Variants in PCDH11X observed in about 807,000 individuals in gnomAD.
PCDH11X encodes protocadherin 11 X-linked, also known as protocadherin-11 X-linked.
Under a neutral mutation model 53.3 loss-of-function variants are expected in PCDH11X, and 18 were observed. The ratio of observed to expected loss-of-function variants is 0.34; its 90% CI spans 0.23 to 0.50. The LOEUF is 0.50. Among genes scored for constraint, PCDH11X ranks in the 20% least tolerant of loss-of-function variants. The pLI is 0.98. For synonymous variants in PCDH11X, 279 were observed against 393.3 expected (o/e 0.71, Z 3.44); for missense variants, 570 against 1,032.4 (o/e 0.55, Z 6.14).
chrX:92,110,381 G>A (rs944445644), intron 6 of PCDH11X, among the ~76,000 whole-genome samples: 8 of 107,499 alleles, frequency 7.4e-5, no homozygotes, highest in African/African-American at 2.7e-4. Context: ...TGTCAACCGA[G>A]GAAAATGACA....
chrX:92,599,652 A>G (rs767054462), intron 10 of PCDH11X, among the ~76,000 whole-genome samples: 1 of 111,883 alleles, frequency 8.9e-6, no homozygotes, highest in Non-Finnish European at 1.9e-5. Context: ...AAAATGGACT[A>G]ATACAGCAAA....
rs375462673 is a variant in PCDH11X at position 92,002,116 on chromosome X, T to C, written c.3033+122843T>C. On this transcript the variant is annotated intron_variant, in intron 6 of 10. Coordinates refer to ENST00000682573, the MANE Select transcript of PCDH11X (RefSeq NM_032968.5). ...AGAGGTTTAGTTTCATTCTTCTGAATATAGGGATCCAGTTTTCCCAGCACC... is the reference window on the plus strand; with the variant it reads ...AGAGGTTTAGTTTCATTCTTCTGAACATAGGGATCCAGTTTTCCCAGCACC... 5.6e-5 allele frequency among the ~76,000 whole-genome samples: 6 copies of C among 107,202 alleles called. No homozygotes were observed. In the South Asian group the frequency reaches 2.6e-3, roughly 46 times the overall value. The allele number at this position is 107,202 out of a possible 115,157, so 93.1% of individuals were successfully genotyped here.
At chrX:92,249,737 A>G (rs899253748) in intron 7 of PCDH11X, among the ~76,000 whole-genome samples, 9 of 112,134 alleles carry the variant, frequency 8.0e-5, no homozygotes, top group Non-Finnish European at 1.5e-4. Context: ...CCTAGGATCC[A>G]TTTTGAGAAT....
At chrX:91,860,143 G>T (rs1007479176) in intron 5 of PCDH11X, among the ~76,000 whole-genome samples, 76 of 109,951 alleles carry the variant, frequency 6.9e-4, no homozygotes, top group African/African-American at 2.3e-3. Context: ...TGATTTCCTT[G>T]AGCAGTCGTT....
At chrX:91,868,758 A>T (rs747810223) in intron 5 of PCDH11X, among the ~76,000 whole-genome samples, 1 of 111,561 alleles carries the variant, frequency 9.0e-6, no homozygotes, top group Admixed American at 9.5e-5. Flanking sequence ...TTCATTTTTG[A>T]TTACTGATTT....
intron 8 of PCDH11X, among the ~76,000 whole-genome samples, chrX:92,284,170 T>C (rs1480282002): frequency 9.1e-6 from 1 of 110,273 alleles, no homozygotes; most frequent in Non-Finnish European, 1.9e-5. Flanking sequence ...AACCTACGTA[T>C]GTAAATTTAG....
chrX:92,370,605 A>C (rs5941083), intron 8 of PCDH11X, among the ~76,000 whole-genome samples: 2 of 107,730 alleles, frequency 1.9e-5, no homozygotes, highest in Non-Finnish European at 3.9e-5. Flanking sequence ...GATTACAGGC[A>C]TGTGACACTA....
chrX:92,032,884 G>A (rs1164042541), intron 6 of PCDH11X, among the ~76,000 whole-genome samples: 1 of 105,683 alleles, frequency 9.5e-6, no homozygotes, highest in South Asian at 4.3e-4. Context: ...ATGCAATGAC[G>A]GCTCACTGCT....
chrX:92,294,159 G>A (rs1274977389), intron 8 of PCDH11X, among the ~76,000 whole-genome samples: 1 of 109,504 alleles, frequency 9.1e-6, no homozygotes, highest in African/African-American at 3.4e-5. Context: ...TATTTATTTT[G>A]AGATGGTGTT....
At chrX:92,172,702 A>G (rs1352045612) in intron 6 of PCDH11X, among the ~76,000 whole-genome samples, 1 of 112,060 alleles carries the variant, frequency 8.9e-6, no homozygotes, top group Non-Finnish European at 1.9e-5. Flanking sequence ...TCCATTGGTT[A>G]AAGAAGAACA....
intron 4 of PCDH11X, among the ~76,000 whole-genome samples, chrX:91,815,329 C>T (rs1397025408): frequency 8.9e-6 from 1 of 111,854 alleles, no homozygotes; most frequent in Non-Finnish European, 1.9e-5. Flanking sequence ...ATATCATATA[C>T]ATTTTGCAAT....
At chrX:92,129,961 T>TGCGCACACGCACACGCAC (rs2064941242) in intron 6 of PCDH11X, among the ~76,000 whole-genome samples, 1 of 111,981 alleles carries the variant, frequency 8.9e-6, no homozygotes, top group Non-Finnish European at 1.9e-5. Flanking sequence ...ATGGCTTATA[T>TGCGCACACGCACACGCAC]GCGCACACGC....
At chrX:91,794,016 G>C (rs1307028030) in intron 1 of PCDH11X, among the ~76,000 whole-genome samples, 1 of 111,453 alleles carries the variant, frequency 9.0e-6, no homozygotes, top group African/African-American at 3.3e-5. Context: ...AGTTTCTTTA[G>C]TGAATACCAT....
At chrX:91,989,966 A>G (rs2062294287) in intron 6 of PCDH11X, among the ~76,000 whole-genome samples, 2 of 111,056 alleles carry the variant, frequency 1.8e-5, no homozygotes, top group Admixed American at 9.5e-5. Context: ...TAATTTTTTT[A>G]TAGGCTATTT....
chrX:92,484,137 GTATGTATATATATGTATA>G lies in PCDH11X; in HGVS notation c.3367+15827_3367+15844del, dbSNP rs1569494458. 8.6e-3 allele frequency among the ~76,000 whole-genome samples: 367 copies of G among 42,767 alleles called. 3 individuals are homozygous for G. The highest frequency in any genetic ancestry group is 0.021 in the African/African-American group (357 of 16,669). The allele number at this position is 42,767 out of a possible 115,157, so 37.1% of individuals were successfully genotyped here. A position where few individuals can be genotyped will look rare whatever the true frequency, so the allele number is the denominator to read the frequency against. ...ATATATAGTATATATATGTATATATGTATGTATATATATGTATATATGTATATATGTATATATATGTAT... is the reference window on the plus strand; with the variant it reads ...ATATATAGTATATATATGTATATATGTATGTATATATGTATATATATGTAT... On this transcript the variant is annotated intron_variant, in intron 10 of 10. Coordinates refer to ENST00000682573, the MANE Select transcript of PCDH11X (RefSeq NM_032968.5).
chrX:91,860,312 A>AT (rs1938590584), intron 5 of PCDH11X, among the ~76,000 whole-genome samples: 1 of 105,910 alleles, frequency 9.4e-6, no homozygotes, highest in Admixed American at 1.0e-4. Flanking sequence ...TTCCACACTG[A>AT]TTTTGTATCC....
At chrX:92,319,207 G>A (rs2069145110) in intron 8 of PCDH11X, among the ~76,000 whole-genome samples, 1 of 111,297 alleles carries the variant, frequency 9.0e-6, no homozygotes, top group African/African-American at 3.3e-5. Context: ...CTTTAAGCAG[G>A]GATCCTGATT....
At position 92,095,069 on chromosome X, in the gene PCDH11X, A is replaced by G. The variant is rs552891972; in HGVS notation, c.3034-106306A>G. On this transcript the variant is annotated intron_variant, in intron 6 of 10. Transcript: ENST00000682573. ...TTCTGTAGAGATTTCAGCTAATAAA[A>G]ATGCAAGTCCAAATCCCAAATCCGA... Among the ~76,000 whole-genome samples the G allele has an allele frequency of 2.2e-4, 24 of 111,241 alleles. No individual in the cohort carries two copies. The South Asian group carries it at 9.0e-3, about 42-fold the overall frequency.
chrX:92,121,922 C>T (rs1164895638), intron 6 of PCDH11X, among the ~76,000 whole-genome samples: 1 of 105,430 alleles, frequency 9.5e-6, no homozygotes, highest in Non-Finnish European at 1.9e-5. Flanking sequence ...GATGGGGTTT[C>T]ACCATGTTGA....
Sources: allele counts gnomAD v4.1 joint callset (sites outside exome capture counted in the v4.1 genomes callset), GRCh38; gene constraint gnomAD v4.1.1; transcripts MANE v1.5; gene names NCBI Gene and HGNC (gene_info 2026-07-23, HGNC 2026-07-21).